ATP6V1C1: variants seen among roughly 807,000 people sequenced by gnomAD.
ATP6V1C1 encodes the protein V-type proton ATPase subunit C 1.
Under a neutral mutation model 53.9 loss-of-function variants are expected in ATP6V1C1, and 45 were observed. The ratio of observed to expected loss-of-function variants is 0.83; its 90% CI spans 0.66 to 1.07. The LOEUF (loss-of-function observed/expected upper bound fraction) is 1.07. Among genes scored for constraint, ATP6V1C1 ranks in the 50% least tolerant of loss-of-function variants. The probability of loss-of-function intolerance (pLI) is 0.00; values close to 1 mark genes in which losing one functional copy is unlikely to be tolerated. For synonymous variants in ATP6V1C1, 153 were observed against 155.2 expected (o/e 0.99, Z 0.11); for missense variants, 315 against 440.3 (o/e 0.72, Z 2.55).
chr8:103,052,170 C>T (rs1817212165), intron 5 of ATP6V1C1, among the ~76,000 whole-genome samples: 1 of 152,066 alleles, frequency 6.6e-6, no homozygotes, highest in South Asian at 2.1e-4. Flanking sequence ...TCGTGCTACA[C>T]AGCTAATAAT....
chr8:103,049,687 A>G (rs1460853194), intron 4 of ATP6V1C1, among the ~76,000 whole-genome samples: 3 of 152,222 alleles, frequency 2.0e-5, no homozygotes, highest in Non-Finnish European at 2.9e-5. Context: ...CTGTAATCCC[A>G]GCACATTGGG....
chr8:103,038,183 G>A (rs185090412), intron 1 of ATP6V1C1, among the ~76,000 whole-genome samples: 19 of 152,254 alleles, frequency 1.2e-4, no homozygotes, highest in Admixed American at 5.2e-4. Flanking sequence ...GAGATTGGCT[G>A]GGCTGGAGGG....
chr8:103,065,810 A>G (rs371144233), intron 11 of ATP6V1C1, among the ~76,000 whole-genome samples: 14 of 152,068 alleles, frequency 9.2e-5, no homozygotes, highest in Admixed American at 2.0e-4. Context: ...TTGGGAGGCC[A>G]AGGCGGGCAG....
At chr8:103,055,489 A>G (rs1396861382) in intron 7 of ATP6V1C1, among the ~76,000 whole-genome samples, 7 of 152,120 alleles carry the variant, frequency 4.6e-5, no homozygotes, top group South Asian at 2.1e-4. Flanking sequence ...TCAGTCCTTC[A>G]TAATGGCCAC....
intron 12 of ATP6V1C1, among the ~76,000 whole-genome samples, chr8:103,066,876 T>C (rs1224141512): frequency 1.3e-5 from 2 of 150,754 alleles, no homozygotes; most frequent in Non-Finnish European, 3.0e-5. Flanking sequence ...TGGTGGGACA[T>C]GTTGGTAGTC....
intron 8 of ATP6V1C1, among the ~76,000 whole-genome samples, chr8:103,060,435 TA>T (rs566621865): frequency 7.4e-4 from 112 of 152,340 alleles, no homozygotes; most frequent in Middle Eastern, 3.4e-3. Context: ...TCCCCTCAGA[TA>T]AAGTTACTAA....
intron 8 of ATP6V1C1, among the ~76,000 whole-genome samples, chr8:103,058,776 A>G (rs1330072477): frequency 6.6e-6 from 1 of 152,226 alleles, no homozygotes; most frequent in Non-Finnish European, 1.5e-5. Flanking sequence ...TTCACAAAAT[A>G]TAACTATTTA....
At chr8:103,036,627 A>G (rs764202276) in intron 1 of ATP6V1C1, among the ~76,000 whole-genome samples, 1 of 152,222 alleles carries the variant, frequency 6.6e-6, no homozygotes, top group African/African-American at 2.4e-5. Flanking sequence ...TGATCCTAAT[A>G]AAAGCTCAGT....
At chr8:103,051,189 G>T in intron 5 of ATP6V1C1, 45 bp downstream of exon 5, 3 of 1,367,050 alleles carry the variant, frequency 2.2e-6, no homozygotes, top group East Asian at 2.4e-5. Flanking sequence ...ATTTGTAGTG[G>T]CTTTGCTTAT....
chr8:103,062,988 T>C lies in ATP6V1C1; in HGVS notation c.675T>C (p.Cys225=). The C allele has an allele frequency of 6.2e-7, 1 of 1,613,916 alleles. No homozygotes were observed. Among genetic ancestry groups the C allele is most frequent in the Non-Finnish European group, 8.5e-7 (1 of 1,179,942 alleles). ...CAGAGGACCAAGACAGTTACCTGTG[T>C]AATGTCACCTTGTTTAGGAAGGCAG... ...VLSEDQDSYL[C]NVTLFRKAVD... is the part of the protein sequence containing the mutation. The change falls in exon 9 of 13, where the codon TGT becomes TGC. Residue 225 remains cysteine, a synonymous_variant. Transcript: ENST00000518738.
chr8:103,058,322 A>G (rs1283170037), intron 8 of ATP6V1C1, among the ~76,000 whole-genome samples: 1 of 152,220 alleles, frequency 6.6e-6, no homozygotes, highest in East Asian at 1.9e-4. Flanking sequence ...TTCTCAGTTC[A>G]AAGTACATTT....
chr8:103,050,551 A>T (rs536232544), intron 4 of ATP6V1C1, among the ~76,000 whole-genome samples: 2 of 152,176 alleles, frequency 1.3e-5, no homozygotes, highest in Non-Finnish European at 1.5e-5. Context: ...TTTTAGCTCT[A>T]CATGTTTTAT....
intron 8 of ATP6V1C1, among the ~76,000 whole-genome samples, chr8:103,060,476 T>A (rs1270929936): frequency 1.3e-5 from 2 of 152,242 alleles, no homozygotes; most frequent in Non-Finnish European, 2.9e-5. Context: ...TATTTTCTAT[T>A]GCAGCACTTA....
chr8:103,048,540 A>G (rs1021683467), intron 3 of ATP6V1C1, among the ~76,000 whole-genome samples: 1 of 152,080 alleles, frequency 6.6e-6, no homozygotes, highest in African/African-American at 2.4e-5. Flanking sequence ...TCAGTCCTTA[A>G]ATTGTCTAGT....
chr8:103,055,519 T>G (rs1817275489), intron 7 of ATP6V1C1, among the ~76,000 whole-genome samples: 1 of 152,134 alleles, frequency 6.6e-6, no homozygotes, highest in South Asian at 2.1e-4. Flanking sequence ...ATGATAGTGA[T>G]TTTAGCATGA....
chr8:103,067,034 A>G (rs898579895), intron 12 of ATP6V1C1, among the ~76,000 whole-genome samples: 10 of 152,160 alleles, frequency 6.6e-5, no homozygotes, highest in Non-Finnish European at 7.3e-5. Context: ...CTTTTAAACA[A>G]AACTGTTATT....
chr8:103,064,455 A>G (rs1173941133), intron 10 of ATP6V1C1: 2 of 253,824 alleles, frequency 7.9e-6, no homozygotes, highest in South Asian at 2.4e-4. Flanking sequence ...TTATTAAAAT[A>G]TATACCTTTT....
chr8:103,065,422 C>A (rs1387406005), intron 11 of ATP6V1C1, among the ~76,000 whole-genome samples: 2 of 152,048 alleles, frequency 1.3e-5, no homozygotes, highest in Non-Finnish European at 2.9e-5. Flanking sequence ...AGTGTGGTGG[C>A]ACGCGCCTGT....
intron 3 of ATP6V1C1, among the ~76,000 whole-genome samples, chr8:103,042,988 C>T (rs937455014): frequency 1.3e-5 from 2 of 152,066 alleles, no homozygotes; most frequent in African/African-American, 2.4e-5. Context: ...CACATTAATC[C>T]GTTCATCAGT....
Sources: gnomAD v4.1 joint callset for allele counts (sites outside exome capture counted in the v4.1 genomes callset) on GRCh38, gnomAD v4.1.1 for gene constraint, MANE v1.5 for transcripts, NCBI Gene and HGNC (gene_info 2026-07-23, HGNC 2026-07-21) for gene names.